FGFR4: variants seen among roughly 807,000 people sequenced by gnomAD.
FGFR4 encodes hydroxyaryl-protein kinase.
A neutral mutation model predicts 89.9 loss-of-function variants in FGFR4; 63 were observed. The observed-to-expected ratio is 0.70, with a 90% CI of 0.57 to 0.86. FGFR4 has a LOEUF of 0.86. Among genes scored for constraint, FGFR4 ranks in the 40% least tolerant of loss-of-function variants. The pLI is 0.00. For synonymous variants in FGFR4, 486 were observed against 479.4 expected, an observed-to-expected ratio of 1.01 and a Z score of -0.18; for missense variants, 928 against 1,106.7, an observed-to-expected ratio of 0.84 and a Z score of 2.29.
rs1223067967 is a variant in FGFR4, at chr5:177,095,388, G to C, written c.1578G>C (p.Leu526=). ...TCTCGGAGATGGAGGTGATGAAGCT[G>C]ATCGGCCGACACAAGAACATCATCA... is the stretch of plus-strand genomic sequence containing the variant. ...DLVSEMEVMK[L]IGRHKNIINL... is the part of the protein sequence containing the mutation. Residue 526 remains leucine (L), a synonymous_variant, in exon 12 of 18, where the codon CTG becomes CTC. Transcript: ENST00000292408. This position sits in a 1 kb window ranked among gnomAD's most constrained non-coding sequence, Gnocchi z 5.7. 1.2e-6 allele frequency: 2 copies of C among 1,614,194 alleles called. No individual in the cohort carries two copies. The highest frequency in any genetic ancestry group is 1.7e-6 in the Non-Finnish European group (2 of 1,180,034).
chr5:177,095,854 C>T lies in FGFR4; in HGVS notation c.1821+131C>T, dbSNP rs745806280. The T allele has an allele frequency of 2.9e-4, 358 of 1,251,626 alleles. No individual in the cohort carries two copies. The highest frequency in any genetic ancestry group is 8.4e-4 in the Middle Eastern group (3 of 3,560). The allele number at this position is 1,251,626 out of a possible 1,614,324, so 77.5% of individuals were successfully genotyped here. A position where few individuals can be genotyped will look rare whatever the true frequency, so the allele number is the denominator to read the frequency against. On this transcript the variant is annotated intron_variant, in intron 13 of 17. Coordinates refer to ENST00000292408, the MANE Select transcript of FGFR4 (RefSeq NM_213647.3). This position sits in a 1 kb window ranked among gnomAD's most constrained non-coding sequence, Gnocchi z 5.7. ...CCACCTCAGTGTCCCCAGGCATTCA[C>T]GCTTTCCTGCATTCCCCACTCGTTC...
intron 4 of FGFR4, 32 bp from the exon 5 acceptor site, chr5:177,090,906 G>T (rs775928328): frequency 6.2e-7 from 1 of 1,614,102 alleles, no homozygotes; most frequent in Non-Finnish European, 8.5e-7. Context: ...GGGAACACAC[G>T]GTCATTCTAG....
chr5:177,095,790 A>G lies in FGFR4; in HGVS notation c.1821+67A>G, dbSNP rs1784538312. ...CTCCACTCTCAGGCCTGTGGCATTC[A>G]ATGTCCCGACTTCTCCCTCTCTGCT... On this transcript the variant is annotated intron_variant, in intron 13 of 17. Transcript: ENST00000292408. The surrounding 1 kb of genome is among the most constrained non-coding windows in gnomAD (Gnocchi z 5.7). 1 of 1,441,774 alleles carries G rather than the reference A, an allele frequency of 6.9e-7. No homozygotes were observed. The highest frequency in any genetic ancestry group is 1.4e-5 in the African/African-American group (1 of 70,190). The allele number at this position is 1,441,774 out of a possible 1,614,324, so 89.3% of individuals were successfully genotyped here. A position where few individuals can be genotyped will look rare whatever the true frequency, so the allele number is the denominator to read the frequency against.
At position 177,093,215 on chromosome 5, in the gene FGFR4, GC is replaced by G; in HGVS notation, c.1137del (p.Leu380TrpfsTer71). ...CATCCTGTACGCGTCGGGCTCCCTG[GC>G]CTTGGCTGTGCTCCTGCTGCTGGCC... ...DIILYASGSL[A>X]LAVLLLLAGL... On this transcript the variant is annotated frameshift_variant, in exon 9 of 18. Coordinates refer to ENST00000292408, the MANE Select transcript of FGFR4 (RefSeq NM_213647.3). LOFTEE classifies it high-confidence loss of function. The surrounding 1 kb of genome is among the most constrained non-coding windows in gnomAD (Gnocchi z 5.8). 1 of 1,612,694 alleles carries G rather than the reference GC, an allele frequency of 6.2e-7. No individual in the cohort carries two copies. The highest frequency in any genetic ancestry group is 8.5e-7 in the Non-Finnish European group (1 of 1,178,966).
chr5:177,091,827 A>G lies in FGFR4; in HGVS notation c.727+19A>G, dbSNP rs1199370641. ...GTGCTGGGTGAGCGCGGGGCTGGGA[A>G]CAGGGGAGGCCTGACCCATTTTGGG... On this transcript the variant is annotated intron_variant, in intron 6 of 17. Transcript: ENST00000292408. 3 of 1,613,282 alleles carry G rather than the reference A, an allele frequency of 1.9e-6. No individual in the cohort carries two copies. Among genetic ancestry groups the G allele is most frequent in the Non-Finnish European group, 2.5e-6 (3 of 1,179,526 alleles).
Position 177,097,109 on chromosome 5 carries a change from T to TCC in FGFR4, c.2154-183_2154-182insCC. ...CTTCCTCCTCCTCCTCCTGCTCCTC[T>TCC]TCCTCCTCCTCCTCTTCCTCCTCCT... On this transcript the variant is annotated intron_variant, in intron 16 of 17. Coordinates refer to ENST00000292408, the MANE Select transcript of FGFR4 (RefSeq NM_213647.3). The TCC allele has an allele frequency of 1.1e-3, 35 of 31,918 alleles. 4 individuals carry two copies. The highest frequency in any genetic ancestry group is 8.0e-4 in the Non-Finnish European group (18 of 22,580). 2.0% of individuals were successfully genotyped at this position (31,918 alleles called of 1,614,324 possible). A position where few individuals can be genotyped will look rare whatever the true frequency, so the allele number is the denominator to read the frequency against.
rs2149735683 is a variant in FGFR4 at position 177,093,402 on chromosome 5, G to T, written c.1252-4G>T. The T allele has an allele frequency of 6.2e-7, 1 of 1,613,976 alleles. No individual in the cohort carries two copies. Among genetic ancestry groups the T allele is most frequent in the Non-Finnish European group, 8.5e-7 (1 of 1,179,898 alleles). ...CAGGCAGAACCAAGTCTCCCACTTT[G>T]CAGTTCTCCCTGGAGTCAGGCTCTT... On this transcript the variant is annotated splice_region_variant and splice_polypyrimidine_tract_variant and intron_variant, in intron 9 of 17. Transcript: ENST00000292408. This position sits in a 1 kb window ranked among gnomAD's most constrained non-coding sequence, Gnocchi z 5.8.
intron 5 of FGFR4, 63 bp from the exon 6 acceptor site, chr5:177,091,622 C>T: frequency 6.3e-7 from 1 of 1,598,460 alleles, no homozygotes; most frequent in South Asian, 1.1e-5. Flanking sequence ...ATCTAGCCTC[C>T]TGGTCCTCTG....
Position 177,087,010 on chromosome 5 carries a change from A to C in FGFR4, c.-121A>C, listed in dbSNP as rs935440795. 1 of 149,074 alleles carries C rather than the reference A, an allele frequency of 6.7e-6. No individual in the cohort carries two copies. Among genetic ancestry groups the C allele is most frequent in the Non-Finnish European group, 1.5e-5 (1 of 66,324 alleles). 9.2% of individuals were successfully genotyped at this position (149,074 alleles called of 1,614,324 possible). ...GCTGGAGCTGGGAGTGAGGCGGCGG[A>C]GGAGCCAGGTGAGGAGGAGCCAGGT... On this transcript the variant is annotated 5_prime_UTR_variant, in exon 1 of 18. Transcript: ENST00000292408. The surrounding 1 kb of genome is among the most constrained non-coding windows in gnomAD (Gnocchi z 6.1).
Position 177,093,486 on chromosome 5 carries a change from C to T in FGFR4, c.1332C>T (p.Ala444=). 1.2e-6 allele frequency: 2 copies of T among 1,614,010 alleles called. No homozygotes were observed. The highest frequency in any genetic ancestry group is 1.1e-5 in the South Asian group (1 of 91,092). The change falls in exon 10 of 18, where the codon GCC becomes GCT. Residue 444 remains alanine (A), a synonymous_variant. Coordinates refer to ENST00000292408, the MANE Select transcript of FGFR4 (RefSeq NM_213647.3). This position sits in a 1 kb window ranked among gnomAD's most constrained non-coding sequence, Gnocchi z 5.8. Reference sequence around the variant, plus strand: ...TGCGTCTCTCCTCCAGCGGCCCCGCCTTGCTCGCCGGCCTCGTGAGTCTAG... The same window carrying T: ...TGCGTCTCTCCTCCAGCGGCCCCGCTTTGCTCGCCGGCCTCGTGAGTCTAG... ...RGVRLSSSGP[A]LLAGLVSLDL...
rs138256705 is a variant in FGFR4, at chr5:177,093,502, G to C, written c.1348G>C (p.Val450Leu). 3.7e-6 allele frequency: 6 copies of C among 1,613,874 alleles called. No individual in the cohort carries two copies. The highest frequency in any genetic ancestry group is 2.2e-5 in the South Asian group (2 of 91,090). ...SSGPALLAGL[V>L]SLDLPLDPLW... is the part of the protein sequence containing the mutation. Reference sequence around the variant, plus strand: ...CGGCCCCGCCTTGCTCGCCGGCCTCGTGAGTCTAGATCTACCTCTCGACCC... The same window carrying C: ...CGGCCCCGCCTTGCTCGCCGGCCTCCTGAGTCTAGATCTACCTCTCGACCC... Residue 450 changes from valine to leucine, a missense_variant, in exon 10 of 18, where the codon GTG becomes CTG. Transcript: ENST00000292408. The surrounding 1 kb of genome is among the most constrained non-coding windows in gnomAD (Gnocchi z 5.8).
chr5:177,091,644 G>A (rs912500585), intron 5 of FGFR4, 41 bp from the exon 6 acceptor site: 4 of 1,609,442 alleles, frequency 2.5e-6, no homozygotes, highest in Middle Eastern at 1.8e-4. Flanking sequence ...CCCCCTTGGT[G>A]GACATGGTCC....
intron 2 of FGFR4, 59 bp from the exon 3 acceptor site, chr5:177,090,331 A>C: frequency 1.3e-6 from 2 of 1,598,698 alleles, no homozygotes; most frequent in Non-Finnish European, 1.7e-6. Flanking sequence ...TTCTTTGTAC[A>C]CAGGAGGCTG....
chr5:177,090,956 C>A lies in FGFR4; in HGVS notation c.455C>A (p.Pro152His), dbSNP rs1784346423. 1.2e-6 allele frequency: 2 copies of A among 1,614,124 alleles called. No individual in the cohort carries two copies. The highest frequency in any genetic ancestry group is 1.7e-6 in the Non-Finnish European group (2 of 1,179,962). Residue 152 changes from proline to histidine, a missense_variant, in exon 5 of 18, where the codon CCC becomes CAC. Pro to His is a moderately conservative substitution (Grantham distance 77). Transcript: ENST00000292408. ...YPQQAPYWTH[P>H]QRMEKKLHAV... ...CCTCCAGCACCCTACTGGACACACC[C>A]CCAGCGCATGGAGAAGAAACTGCAT...
chr5:177,095,067 A>T lies in FGFR4; in HGVS notation c.1520-263A>T. ...CTGTGTCCTGGGCCTGCCCGCTGGA[A>T]GGCCTGCCTCTTAGATCCTTGATAC... On this transcript the variant is annotated intron_variant, in intron 11 of 17. Coordinates refer to ENST00000292408, the MANE Select transcript of FGFR4 (RefSeq NM_213647.3). This position sits in a 1 kb window ranked among gnomAD's most constrained non-coding sequence, Gnocchi z 5.7. 1 of 464,284 alleles carries T rather than the reference A, an allele frequency of 2.2e-6. No individual in the cohort carries two copies. The highest frequency in any genetic ancestry group is 4.0e-5 in the East Asian group (1 of 25,292). 28.8% of individuals were successfully genotyped at this position (464,284 alleles called of 1,614,324 possible). A position where few individuals can be genotyped will look rare whatever the true frequency, so the allele number is the denominator to read the frequency against.
In FGFR4 at chr5:177,093,479, G is replaced by A. The variant is rs1465632616; in HGVS notation, c.1325G>A (p.Gly442Asp). 6.2e-7 allele frequency: 1 copy of A among 1,613,910 alleles called. No homozygotes were observed. The highest frequency in any genetic ancestry group is 8.5e-7 in the Non-Finnish European group (1 of 1,179,996). Reference sequence around the variant, plus strand: ...CGAGGCGTGCGTCTCTCCTCCAGCGGCCCCGCCTTGCTCGCCGGCCTCGTG... The same window carrying A: ...CGAGGCGTGCGTCTCTCCTCCAGCGACCCCGCCTTGCTCGCCGGCCTCGTG... Reference protein sequence around the residue: ...LVRGVRLSSSGPALLAGLVSL... With the variant: ...LVRGVRLSSSDPALLAGLVSL... Residue 442 changes from glycine (G) to aspartate (D), a missense_variant, in exon 10 of 18, where the codon GGC becomes GAC. Gly to Asp is a moderately conservative substitution (Grantham distance 94). This residue lies in a region of FGFR4 where 741 missense variants were observed against 836.9 expected (regional missense o/e 0.89). Coordinates refer to ENST00000292408, the MANE Select transcript of FGFR4 (RefSeq NM_213647.3). This position sits in a 1 kb window ranked among gnomAD's most constrained non-coding sequence, Gnocchi z 5.8.
chr5:177,090,537 G>A lies in FGFR4; in HGVS notation c.239G>A (p.Arg80Gln), dbSNP rs370929571. Reference sequence around the variant, plus strand: ...CGCCTGGCACCTGCTGGCCGTGTACGGGGCTGGAGGGGCCGCCTAGAGATT... The same window carrying A: ...CGCCTGGCACCTGCTGGCCGTGTACAGGGCTGGAGGGGCCGCCTAGAGATT... ...GSRLAPAGRV[R>Q]GWRGRLEIAS... The change falls in exon 3 of 18, where the codon CGG (arginine) becomes CAG (glutamine). Residue 80 changes from arginine (R) to glutamine (Q), a missense_variant. This residue lies in a region of FGFR4 where 741 missense variants were observed against 836.9 expected (regional missense o/e 0.89). Coordinates refer to ENST00000292408, the MANE Select transcript of FGFR4 (RefSeq NM_213647.3). 6.5e-6 allele frequency: 10 copies of A among 1,535,684 alleles called. No individual in the cohort carries two copies. The highest frequency in any genetic ancestry group is 6.2e-5 in the Admixed American group (3 of 48,022).
intron 5 of FGFR4, 58 bp downstream of exon 5, chr5:177,091,162 C>G (rs1264100210): frequency 6.7e-7 from 1 of 1,483,710 alleles, no homozygotes; most frequent in Admixed American, 2.2e-5. Flanking sequence ...TCATCAGTCC[C>G]CTCATACCTA....
At position 177,095,558 on chromosome 5, in the gene FGFR4, C is replaced by T. The variant is rs528265762; in HGVS notation, c.1656C>T (p.Cys552=). Residue 552 remains cysteine, a synonymous_variant, in exon 13 of 18, where the codon TGC becomes TGT. Coordinates refer to ENST00000292408, the MANE Select transcript of FGFR4 (RefSeq NM_213647.3). This position sits in a 1 kb window ranked among gnomAD's most constrained non-coding sequence, Gnocchi z 5.7. ...GGCCCCTGTACGTGATCGTGGAGTG[C>T]GCCGCCAAGGGAAACCTGCGGGAGT... is the stretch of plus-strand genomic sequence containing the variant. ...QEGPLYVIVE[C]AAKGNLREFL... is the part of the protein sequence containing the mutation. The T allele has an allele frequency of 2.7e-5, 44 of 1,609,466 alleles. No individual in the cohort carries two copies. The South Asian group carries it at 3.6e-4, about 13-fold the overall frequency.
Sources: gnomAD v4.1 joint callset for allele counts on GRCh38, gnomAD v4.1.1 for gene constraint, gnomAD v4.1.1 regional missense constraint, Gnocchi (gnomAD v3.1) non-coding constraint, MANE v1.5 for transcripts, NCBI Gene and HGNC (gene_info 2026-07-23, HGNC 2026-07-21) for gene names.